Variants in CNTN5 observed in about 807,000 individuals in gnomAD.
CNTN5 encodes contactin-5.
In CNTN5, 77 loss-of-function variants were observed where a neutral mutation model predicts 129.1. That is an observed-to-expected ratio of 0.60 (90% CI 0.50 to 0.72). The LOEUF is 0.72. Ranked by LOEUF, CNTN5 falls within the 30% of genes least tolerant of loss-of-function variation. The pLI, the probability that CNTN5 is intolerant of heterozygous loss-of-function variation, is 0.00. For synonymous variants in CNTN5, 509 were observed against 465.6 expected (o/e 1.09, Z -1.20); for missense variants, 1,478 against 1,328.8 (o/e 1.11, Z -1.75).
At chr11:100,337,315 G>C in intron 21 of CNTN5, 1 of 960,982 alleles carries the variant, frequency 1.0e-6, no homozygotes, top group Non-Finnish European at 1.7e-6. Context: ...ATATGAATGA[G>C]TTCACCATAC....
chr11:99,948,226 A>G (rs1280673477), intron 7 of CNTN5, among the ~76,000 whole-genome samples: 1 of 152,170 alleles, frequency 6.6e-6, no homozygotes, highest in Non-Finnish European at 1.5e-5. Flanking sequence ...TGTAAATCTT[A>G]ATGTAAGTGG....
At chr11:99,416,286 CTT>C (rs570548103) in intron 2 of CNTN5, among the ~76,000 whole-genome samples, 1 of 150,426 alleles carries the variant, frequency 6.6e-6, no homozygotes, top group Non-Finnish European at 1.5e-5. Flanking sequence ...ATTCTAATGC[CTT>C]TTTTTTTGAG....
chr11:100,304,684 T>C (rs1951307524), intron 20 of CNTN5, among the ~76,000 whole-genome samples: 1 of 151,406 alleles, frequency 6.6e-6, no homozygotes, highest in Non-Finnish European at 1.5e-5. Flanking sequence ...ATCAGGTAAG[T>C]GTAACATAGA....
At chr11:99,079,661 C>T (rs1367511834) in intron 1 of CNTN5, among the ~76,000 whole-genome samples, 2 of 152,296 alleles carry the variant, frequency 1.3e-5, no homozygotes, top group Admixed American at 6.5e-5. Flanking sequence ...TGAGCCTTTT[C>T]CTCCTTGTAG....
chr11:100,207,617 T>A (rs1247263382), intron 15 of CNTN5, among the ~76,000 whole-genome samples: 1 of 152,140 alleles, frequency 6.6e-6, no homozygotes, highest in African/African-American at 2.4e-5. Context: ...TGTTTTAAAG[T>A]ACCTATTAAA....
At chr11:99,316,887 G>T (rs534238624) in intron 1 of CNTN5, among the ~76,000 whole-genome samples, 1 of 152,272 alleles carries the variant, frequency 6.6e-6, no homozygotes, top group Admixed American at 6.5e-5. Context: ...CAGCCAGGCT[G>T]CCAGGCTGTT....
At chr11:99,095,239 TTTG>T (rs1397136935) in intron 1 of CNTN5, among the ~76,000 whole-genome samples, 2 of 151,966 alleles carry the variant, frequency 1.3e-5, no homozygotes, top group Non-Finnish European at 2.9e-5. Context: ...GTATGTATGA[TTTG>T]GAAATGTTCT....
At chr11:100,022,807 C>T (rs1374285550) in intron 9 of CNTN5, among the ~76,000 whole-genome samples, 2 of 152,136 alleles carry the variant, frequency 1.3e-5, no homozygotes, top group African/African-American at 4.8e-5. Context: ...AATTACAGAC[C>T]AATATCTTCT....
rs374457387 is a variant in CNTN5 at position 100,358,573 on chromosome 11, GT to G, written c.*2359del. On this transcript the variant is annotated 3_prime_UTR_variant, in exon 25 of 25. Coordinates refer to ENST00000524871, the MANE Select transcript of CNTN5 (RefSeq NM_014361.4). ...CATTATTTTTCAGCTACAGTACTGA[GT>G]TTTTTCTGCTATGGGATAGTAACCA... is the stretch of plus-strand genomic sequence containing the variant. 1.7e-3 allele frequency: 263 copies of G among 151,944 alleles called. 1 individual carries two copies. The highest frequency in any genetic ancestry group is 5.9e-3 in the African/African-American group (245 of 41,506). 9.4% of individuals were successfully genotyped at this position (151,944 alleles called of 1,614,324 possible). A position where few individuals can be genotyped will look rare whatever the true frequency, so the allele number is the denominator to read the frequency against.
intron 2 of CNTN5, among the ~76,000 whole-genome samples, chr11:99,358,815 A>G (rs1938897675): frequency 6.6e-6 from 1 of 152,186 alleles, no homozygotes; most frequent in Admixed American, 6.5e-5. Context: ...TATTTGTGTT[A>G]TTAGAAAATT....
chr11:99,121,793 G>C lies in CNTN5; in HGVS notation c.-210+100523G>C, dbSNP rs1362408353. Among the ~76,000 whole-genome samples, 3 of 151,934 alleles carry C rather than the reference G, an allele frequency of 2.0e-5. No individual in the cohort carries two copies. The South Asian group carries it at 6.3e-4, about 32-fold the overall frequency. ...ATCTTATTTCATTTGAGACACCAAG[G>C]GTCAGATTCCTCTATTTACTTATGG... On this transcript the variant is annotated intron_variant, in intron 1 of 24. Transcript: ENST00000524871.
At chr11:99,728,481 C>T (rs1943425341) in intron 3 of CNTN5, among the ~76,000 whole-genome samples, 1 of 152,100 alleles carries the variant, frequency 6.6e-6, no homozygotes, top group South Asian at 2.1e-4. Context: ...TTTAAATATA[C>T]TCAATGTTTC....
At chr11:99,084,789 C>G (rs1024757018) in intron 1 of CNTN5, among the ~76,000 whole-genome samples, 1 of 152,088 alleles carries the variant, frequency 6.6e-6, no homozygotes, top group Non-Finnish European at 1.5e-5. Flanking sequence ...AGCCTCATAA[C>G]TTTATAAGAT....
rs140890623 is a variant in CNTN5 at position 100,039,784 on chromosome 11, G to A, written c.981-21428G>A. Reference sequence around the variant, plus strand: ...ATTGGCTACTGAGGCTTCTGCATTCGTCACGTAGCTCTCATGCCTTGGTTT... The same window carrying A: ...ATTGGCTACTGAGGCTTCTGCATTCATCACGTAGCTCTCATGCCTTGGTTT... On this transcript the variant is annotated intron_variant, in intron 9 of 24. Coordinates refer to ENST00000524871, the MANE Select transcript of CNTN5 (RefSeq NM_014361.4). Among the ~76,000 whole-genome samples, 687 of 152,140 alleles carry A rather than the reference G, an allele frequency of 4.5e-3. 10 individuals are homozygous for A. Among genetic ancestry groups the A allele is most frequent in the African/African-American group, 6.5e-3 (271 of 41,492 alleles).
intron 1 of CNTN5, among the ~76,000 whole-genome samples, chr11:99,053,933 G>T (rs1361860989): frequency 2.0e-5 from 3 of 151,984 alleles, no homozygotes; most frequent in Non-Finnish European, 4.4e-5. Flanking sequence ...CAAATAAGCA[G>T]ATATTGGATG....
intron 1 of CNTN5, among the ~76,000 whole-genome samples, chr11:99,176,185 G>A (rs547477465): frequency 1.1e-3 from 173 of 152,044 alleles, no homozygotes; most frequent in Non-Finnish European, 1.5e-3. Context: ...TCACTTTGTC[G>A]TGTTTCTTTT....
chr11:99,315,976 T>TATATGTGTATGCAA (rs1273826765), intron 1 of CNTN5, among the ~76,000 whole-genome samples: 2 of 152,010 alleles, frequency 1.3e-5, no homozygotes, highest in Non-Finnish European at 2.9e-5. Context: ...GCCTCATGGG[T>TATATGTGTATGCAA]ATATGTGTAT....
intron 4 of CNTN5, among the ~76,000 whole-genome samples, chr11:99,824,652 A>G (rs1045689331): frequency 6.6e-6 from 1 of 151,976 alleles, no homozygotes; most frequent in African/African-American, 2.4e-5. Flanking sequence ...GTCCTAAAAA[A>G]AACCCTTTTT....
chr11:100,055,438 CCTT>C (rs1290376042), intron 9 of CNTN5, among the ~76,000 whole-genome samples: 5 of 151,472 alleles, frequency 3.3e-5, no homozygotes, highest in Non-Finnish European at 7.4e-5. Context: ...TCATTATTCT[CCTT>C]CTTGAAGTGT....
Sources: gnomAD v4.1 joint callset for allele counts (sites outside exome capture counted in the v4.1 genomes callset) on GRCh38, gnomAD v4.1.1 for gene constraint, MANE v1.5 for transcripts, NCBI Gene and HGNC (gene_info 2026-07-23, HGNC 2026-07-21) for gene names.